Variants in PSMC3 observed in about 807,000 individuals in gnomAD.
The protein encoded by PSMC3 is 26S proteasome regulatory subunit 6A.
PSMC3 carries 11 observed loss-of-function variants against 52.0 expected under a neutral mutation model. That is an observed-to-expected ratio of 0.21 (90% CI 0.13 to 0.35). The LOEUF (loss-of-function observed/expected upper bound fraction) is 0.35, where lower values mean the gene tolerates loss of function less well. Among genes scored for constraint, PSMC3 ranks in the 10% least tolerant of loss-of-function variants. The probability of loss-of-function intolerance (pLI) is 1.00; values close to 1 mark genes in which losing one functional copy is unlikely to be tolerated. For synonymous variants in PSMC3, 201 were observed against 218.8 expected, an observed-to-expected ratio of 0.92 and a Z score of 0.72; for missense variants, 238 against 567.1, an observed-to-expected ratio of 0.42 and a Z score of 5.89.
At position 47,426,346 on chromosome 11, in the gene PSMC3, C is replaced by A; in HGVS notation, c.-67G>T. On this transcript the variant is annotated 5_prime_UTR_variant, in exon 1 of 12. Transcript: ENST00000298852. Reference sequence around the variant, plus strand: ...GCAACGGGAGATTAATACCGTCTTTCTTAAAGCCTTCTCTTGACCAGTGGA... The same window carrying A: ...GCAACGGGAGATTAATACCGTCTTTATTAAAGCCTTCTCTTGACCAGTGGA... 1 of 1,379,418 alleles carries A rather than the reference C, an allele frequency of 7.2e-7. No individual in the cohort carries two copies. The highest frequency in any genetic ancestry group is 1.3e-5 in the South Asian group (1 of 75,504). 85.4% of individuals were successfully genotyped at this position (1,379,418 alleles called of 1,614,324 possible). A position where few individuals can be genotyped will look rare whatever the true frequency, so the allele number is the denominator to read the frequency against.
In PSMC3 at chr11:47,425,905, TCTC is replaced by T; in HGVS notation, c.118_120del (p.Glu40del). On this transcript the variant is annotated inframe_deletion, in exon 2 of 12. Coordinates refer to ENST00000298852, the MANE Select transcript of PSMC3 (RefSeq NM_002804.5). ...TCCAGCAGCCGTGTGCGCTGGATGA[TCTC>T]CTCCGTGGACATCTTGAGCACCTCC... is the stretch of plus-strand genomic sequence containing the variant. The T allele has an allele frequency of 6.2e-7, 1 of 1,614,102 alleles. No individual in the cohort carries two copies. The highest frequency in any genetic ancestry group is 8.5e-7 in the Non-Finnish European group (1 of 1,179,948).
chr11:47,424,991 C>T lies in PSMC3; in HGVS notation c.285+130G>A. 7.3e-7 allele frequency: 1 copy of T among 1,366,258 alleles called. No individual in the cohort carries two copies. Among genetic ancestry groups the T allele is most frequent in the East Asian group, 2.3e-5 (1 of 43,018 alleles). 84.6% of individuals were successfully genotyped at this position (1,366,258 alleles called of 1,614,324 possible). ...AGGCCCCGTCTTCCCCATGAAAGTG[C>T]CCCAGGAGGTGTAGCTCTGACATGC... On this transcript the variant is annotated intron_variant, in intron 3 of 11. Coordinates refer to ENST00000298852, the MANE Select transcript of PSMC3 (RefSeq NM_002804.5). The surrounding 1 kb of genome is among the most constrained non-coding windows in gnomAD (Gnocchi z 4.8).
At position 47,422,809 on chromosome 11, in the gene PSMC3, C is replaced by T; in HGVS notation, c.735+21G>A. The stretch of plus-strand genomic sequence containing the variant: ...TTTCTGCTCCTGCCCACTTCCCCCG[C>T]ATCCCTCCCAAAGTACTCACCTTAG... On this transcript the variant is annotated intron_variant, in intron 7 of 11. Coordinates refer to ENST00000298852, the MANE Select transcript of PSMC3 (RefSeq NM_002804.5). This position sits in a 1 kb window ranked among gnomAD's most constrained non-coding sequence, Gnocchi z 4.3. 1 of 1,602,742 alleles carries T rather than the reference C, an allele frequency of 6.2e-7. No individual in the cohort carries two copies. Among genetic ancestry groups the T allele is most frequent in the Non-Finnish European group, 8.5e-7 (1 of 1,171,982 alleles).
intron 6 of PSMC3, among the ~76,000 whole-genome samples, chr11:47,423,243 CA>C (rs57093798): frequency 0.019 from 2,869 of 152,054 alleles, 55 homozygotes; most frequent in African/African-American, 0.054. Context: ...ACTAAAAATA[CA>C]AAAACATTAG....
intron 6 of PSMC3, 152 bp from the exon 7 acceptor site, chr11:47,423,125 C>T (rs1264396407): frequency 1.3e-5 from 11 of 853,504 alleles, no homozygotes; most frequent in South Asian, 5.6e-5. Context: ...CAAGGCTGGG[C>T]GCGGTGGCTC....
intron 6 of PSMC3, among the ~76,000 whole-genome samples, 165 bp from the exon 7 acceptor site, chr11:47,423,138 G>A (rs1357186765): frequency 1.3e-5 from 2 of 152,208 alleles, no homozygotes; most frequent in Non-Finnish European, 2.9e-5. Flanking sequence ...GGTGGCTCAC[G>A]CCTGTAATCC....
intron 8 of PSMC3, among the ~76,000 whole-genome samples, chr11:47,421,158 C>T (rs1184394792): frequency 7.3e-6 from 1 of 137,512 alleles, no homozygotes. Context: ...GACACTGAGG[C>T]AGAATTACTT....
At chr11:47,425,761 C>A (rs2096045687) in intron 2 of PSMC3, 106 bp downstream of exon 2, 1 of 940,360 alleles carries the variant, frequency 1.1e-6, no homozygotes, top group African/African-American at 1.7e-5. Context: ...AGCCCGAGCC[C>A]CATGTCTCCC....
chr11:47,421,670 T>G (rs1466661335), intron 8 of PSMC3, among the ~76,000 whole-genome samples: 4 of 78,790 alleles, frequency 5.1e-5, no homozygotes, highest in African/African-American at 1.8e-4. Flanking sequence ...TTTTTTTTTT[T>G]GAAACAGAGG....
At chr11:47,420,577 A>G in intron 9 of PSMC3, 54 bp downstream of exon 9, 1 of 1,526,210 alleles carries the variant, frequency 6.6e-7, no homozygotes, top group Non-Finnish European at 8.9e-7. Context: ...TGGGGGCCTG[A>G]CAGCTCCTGA....
At chr11:47,423,062 C>T (rs2096042514) in intron 6 of PSMC3, 89 bp from the exon 7 acceptor site, 1 of 1,336,138 alleles carries the variant, frequency 7.5e-7, no homozygotes, top group Non-Finnish European at 1.0e-6. Context: ...ATCTGCATCC[C>T]TCCTACTCTA....
In PSMC3 at chr11:47,424,392, A is replaced by C. The variant is rs374910891; in HGVS notation, c.453+37T>G. On this transcript the variant is annotated intron_variant, in intron 5 of 11. Transcript: ENST00000298852. The surrounding 1 kb of genome is among the most constrained non-coding windows in gnomAD (Gnocchi z 4.8). ...GGCGGGTACAGGGGCTCAGCTAGTC[A>C]CCAGAAAAGCACTGCCTGGGCTCAG... The C allele has an allele frequency of 1.3e-5, 21 of 1,608,398 alleles. No homozygotes were observed. The highest frequency in any genetic ancestry group is 1.8e-5 in the Non-Finnish European group (21 of 1,175,032).
rs1243090195 is a variant in PSMC3 at position 47,424,925 on chromosome 11, C to T, written c.285+196G>A. On this transcript the variant is annotated intron_variant, in intron 3 of 11. Transcript: ENST00000298852. The surrounding 1 kb of genome is among the most constrained non-coding windows in gnomAD (Gnocchi z 4.8). The stretch of plus-strand genomic sequence containing the variant: ...CTCATCTACCCCGGAGGAGACATAA[C>T]CAACAGAAAAGGAGACACGTGAGAC... Among the ~76,000 whole-genome samples, 1 of 152,168 alleles carries T rather than the reference C, an allele frequency of 6.6e-6. No homozygotes were observed. Among genetic ancestry groups the T allele is most frequent in the Non-Finnish European group, 1.5e-5 (1 of 68,028 alleles).
Position 47,420,595 on chromosome 11 carries a change from G to C in PSMC3, c.981+36C>G, listed in dbSNP as rs1490442881. On this transcript the variant is annotated intron_variant, in intron 9 of 11. Transcript: ENST00000298852. ...GGGCCTGACAGCTCCTGACCTCTGA[G>C]CCTCATCATCTTTGCCTGGGAGTGC... is the stretch of plus-strand genomic sequence containing the variant. 8 of 1,541,152 alleles carry C rather than the reference G, an allele frequency of 5.2e-6. No individual in the cohort carries two copies. In the East Asian group the frequency reaches 2.0e-4, roughly 38 times the overall value.
At chr11:47,425,376 G>C (rs1366053722) in intron 2 of PSMC3, 130 bp from the exon 3 acceptor site, 8 of 1,158,434 alleles carry the variant, frequency 6.9e-6, no homozygotes, top group Non-Finnish European at 1.0e-5. Context: ...GAGGCTCTCT[G>C]AAGGCAGAGT....
At chr11:47,420,143 G>T in intron 10 of PSMC3, 121 bp downstream of exon 10, 1 of 1,200,652 alleles carries the variant, frequency 8.3e-7, no homozygotes, top group Non-Finnish European at 1.2e-6. Flanking sequence ...GGTGCTGTGT[G>T]TGCCTGGGGC....
In PSMC3 at chr11:47,422,230, G is replaced by C. The variant is rs2096041447; in HGVS notation, c.884+344C>G. On this transcript the variant is annotated intron_variant, in intron 8 of 11. Coordinates refer to ENST00000298852, the MANE Select transcript of PSMC3 (RefSeq NM_002804.5). This position sits in a 1 kb window ranked among gnomAD's most constrained non-coding sequence, Gnocchi z 4.3. ...GCTAATTTTTTGTATTTTTAGTAGA[G>C]ACAGGGTTTCACCATGTTAGCCAGG... 1.3e-5 allele frequency among the ~76,000 whole-genome samples: 2 copies of C among 151,862 alleles called. No individual in the cohort carries two copies. The highest frequency in any genetic ancestry group is 4.2e-4 in the South Asian group (2 of 4,812).
In PSMC3 at chr11:47,418,778, C is replaced by T. The variant is rs2096036299; in HGVS notation, c.*57G>A. ...AAGGCAGACAAGCAGCGGCAGGGAC[C>T]CTAAACCATCTTTTATTGCGCACTT... On this transcript the variant is annotated 3_prime_UTR_variant, in exon 12 of 12. Coordinates refer to ENST00000298852, the MANE Select transcript of PSMC3 (RefSeq NM_002804.5). 1 of 1,513,268 alleles carries T rather than the reference C, an allele frequency of 6.6e-7. No homozygotes were observed. The highest frequency in any genetic ancestry group is 1.1e-5 in the South Asian group (1 of 87,414). The allele number at this position is 1,513,268 out of a possible 1,614,324, so 93.7% of individuals were successfully genotyped here.
rs867941932 is a variant in PSMC3, at chr11:47,426,227, G to A, written c.53C>T (p.Ala18Val). 1.9e-6 allele frequency: 3 copies of A among 1,560,256 alleles called. No homozygotes were observed. The highest frequency in any genetic ancestry group is 1.9e-5 in the Admixed American group (1 of 51,876). The change falls in exon 1 of 12, where the codon GCG becomes GTG. Residue 18 changes from alanine to valine, a missense_variant. This residue lies in a region of PSMC3 where 48 missense variants were observed against 63.4 expected (regional missense o/e 0.76). Coordinates refer to ENST00000298852, the MANE Select transcript of PSMC3 (RefSeq NM_002804.5). ...ESPVTRQEKM[A>V]TVWDEAEQDG... ...CACCTCGGCCTCATCCCACACGGTC[G>A]CCATCTTCTCCTGCCGAGTCACTGG...
Sources: gnomAD v4.1 joint callset for allele counts (sites outside exome capture counted in the v4.1 genomes callset) on GRCh38, gnomAD v4.1.1 for gene constraint, gnomAD v4.1.1 regional missense constraint, Gnocchi (gnomAD v3.1) non-coding constraint, MANE v1.5 for transcripts, NCBI Gene and HGNC (gene_info 2026-07-23, HGNC 2026-07-21) for gene names.